LPP: variants seen among roughly 807,000 people sequenced by gnomAD.
LPP encodes LIM domain containing preferred translocation partner in lipoma, also known as lipoma-preferred partner.
A neutral mutation model predicts 60.4 loss-of-function variants in LPP; 38 were observed. That is an observed-to-expected ratio of 0.63 (90% CI 0.49 to 0.83). The LOEUF (loss-of-function observed/expected upper bound fraction) is 0.83. LPP is among the 40% of genes least tolerant of loss of function. The pLI, the probability that LPP is intolerant of heterozygous loss-of-function variation, is 0.00. For missense variants in LPP, 902 were observed against 783.6 expected (o/e 1.15, Z -1.80); for synonymous variants, 328 against 290.8 (o/e 1.13, Z -1.30).
chr3:188,321,064 T>C (rs1405905686), intron 2 of LPP, among the ~76,000 whole-genome samples: 1 of 152,226 alleles, frequency 6.6e-6, no homozygotes, highest in Non-Finnish European at 1.5e-5. Context: ...TGTCCTGCAG[T>C]CTCTTGGTCT....
chr3:188,466,834 T>TGTAG lies in LPP; in HGVS notation c.194-17758_194-17757insGTAG, dbSNP rs1800562981. On this transcript the variant is annotated intron_variant, in intron 4 of 11. Coordinates refer to ENST00000617246, the MANE Select transcript of LPP (RefSeq NM_001375462.1). ...ATATATATATATATATATATATATATATATATATGCTGTGTAAACTCCACC... is the reference window on the plus strand; with the variant it reads ...ATATATATATATATATATATATATATGTAGATATATATGCTGTGTAAACTCCACC... 1.7e-4 allele frequency among the ~76,000 whole-genome samples: 21 copies of TGTAG among 126,146 alleles called. No individual in the cohort carries two copies. The South Asian group carries it at 2.7e-3, about 16-fold the overall frequency. The allele number at this position is 126,146 out of a possible 152,430, so 82.8% of individuals were successfully genotyped here.
chr3:188,336,195 C>T (rs1442683586), intron 2 of LPP, among the ~76,000 whole-genome samples: 3 of 152,092 alleles, frequency 2.0e-5, no homozygotes, highest in African/African-American at 7.2e-5. Flanking sequence ...CAAGCAAGTG[C>T]AGTGGTGCTG....
intron 1 of LPP, among the ~76,000 whole-genome samples, chr3:188,166,906 C>T (rs1442171696): frequency 6.6e-6 from 1 of 151,972 alleles, no homozygotes; most frequent in South Asian, 2.1e-4. Flanking sequence ...AAAAAACCAC[C>T]ACCACCTAAT....
chr3:188,708,209 C>G, intron 7 of LPP, 58 bp from the exon 8 acceptor site: 1 of 1,594,338 alleles, frequency 6.3e-7, no homozygotes, highest in Non-Finnish European at 8.6e-7. Flanking sequence ...TTTAGGCTGA[C>G]TGCCTTGGTT....
At chr3:188,476,569 CAT>C (rs1470617072) in intron 4 of LPP, among the ~76,000 whole-genome samples, 2 of 152,164 alleles carry the variant, frequency 1.3e-5, no homozygotes, top group African/African-American at 2.4e-5. Flanking sequence ...GTAGCAGTAG[CAT>C]ATGAGAATGC....
chr3:188,808,431 C>CT (rs1749839094), intron 9 of LPP, among the ~76,000 whole-genome samples: 1 of 152,108 alleles, frequency 6.6e-6, no homozygotes, highest in African/African-American at 2.4e-5. Flanking sequence ...GATCCTGCCT[C>CT]TCCCCGGGAC....
At chr3:188,607,921 T>C (rs1842843231) in intron 6 of LPP, among the ~76,000 whole-genome samples, 1 of 152,196 alleles carries the variant, frequency 6.6e-6, no homozygotes. Context: ...TAAATGTCTG[T>C]AGCAATCCTT....
chr3:188,271,797 G>T (rs1560183831), intron 2 of LPP, among the ~76,000 whole-genome samples: 1 of 152,204 alleles, frequency 6.6e-6, no homozygotes, highest in Non-Finnish European at 1.5e-5. Context: ...GAAGGAGGAA[G>T]TTTCCATTGG....
At chr3:188,319,317 A>C (rs922820287) in intron 2 of LPP, among the ~76,000 whole-genome samples, 1 of 152,218 alleles carries the variant, frequency 6.6e-6, no homozygotes, top group African/African-American at 2.4e-5. Flanking sequence ...AATACAGAAT[A>C]AAAATTTTCA....
At chr3:188,343,487 T>A (rs947244461) in intron 3 of LPP, among the ~76,000 whole-genome samples, 2 of 152,344 alleles carry the variant, frequency 1.3e-5, no homozygotes, top group South Asian at 4.1e-4. Flanking sequence ...TTGACAGCTC[T>A]GTGAGGCAGA....
intron 1 of LPP, among the ~76,000 whole-genome samples, chr3:188,224,526 T>G (rs1716999734): frequency 6.6e-6 from 1 of 152,196 alleles, no homozygotes; most frequent in Non-Finnish European, 1.5e-5. Context: ...ATTCTAGCAT[T>G]GCCATAAAGA....
chr3:188,664,603 GTGTGTGTGTGTGTC>G (rs1855354054), intron 7 of LPP, among the ~76,000 whole-genome samples: 1 of 151,354 alleles, frequency 6.6e-6, no homozygotes, highest in Non-Finnish European at 1.5e-5. Context: ...ATATGTGTAT[GTGTGTGTGTGTGTC>G]TGTGTGTGTG....
At chr3:188,613,545 G>C (rs575698836) in intron 7 of LPP, among the ~76,000 whole-genome samples, 3 of 152,090 alleles carry the variant, frequency 2.0e-5, no homozygotes, top group Non-Finnish European at 1.5e-5. Context: ...GCATTCCAGG[G>C]AAGTTGGAGA....
chr3:188,881,995 T>C lies in LPP; in HGVS notation c.*7516T>C, dbSNP rs1770086170. The C allele has an allele frequency of 9.3e-6, 2 of 214,094 alleles. No individual in the cohort carries two copies. The highest frequency in any genetic ancestry group is 4.5e-5 in the African/African-American group (2 of 44,316). The allele number at this position is 214,094 out of a possible 1,614,324, so 13.3% of individuals were successfully genotyped here. A position where few individuals can be genotyped will look rare whatever the true frequency, so the allele number is the denominator to read the frequency against. On this transcript the variant is annotated 3_prime_UTR_variant, in exon 12 of 12. Transcript: ENST00000617246. ...TAGGAGTCCATATTTTTCTTTTCTT[T>C]TTGTTCTCCCAACATCCTTATCTCT...
At chr3:188,380,887 A>G (rs1776703002) in intron 3 of LPP, among the ~76,000 whole-genome samples, 1 of 152,212 alleles carries the variant, frequency 6.6e-6, no homozygotes, top group Non-Finnish European at 1.5e-5. Flanking sequence ...TTTACAGCCC[A>G]TTCTCATGGA....
chr3:188,657,509 T>C (rs1853563051), intron 7 of LPP, among the ~76,000 whole-genome samples: 1 of 151,970 alleles, frequency 6.6e-6, no homozygotes. Flanking sequence ...TTTGATATGC[T>C]CTTTTTATTT....
intron 4 of LPP, among the ~76,000 whole-genome samples, chr3:188,451,971 G>C (rs143553543): frequency 1.7e-4 from 26 of 152,194 alleles, no homozygotes; most frequent in African/African-American, 6.3e-4. Flanking sequence ...AGATGAGGCC[G>C]AAAAAATAGG....
intron 8 of LPP, among the ~76,000 whole-genome samples, chr3:188,731,313 T>C (rs963488625): frequency 6.6e-6 from 1 of 152,184 alleles, no homozygotes; most frequent in African/African-American, 2.4e-5. Context: ...ACCTTTTTTT[T>C]TGGTGCTGGT....
chr3:188,628,819 C>G (rs915445428), intron 7 of LPP, among the ~76,000 whole-genome samples: 6 of 152,100 alleles, frequency 3.9e-5, no homozygotes, highest in Non-Finnish European at 8.8e-5. Context: ...AAACTTCAGG[C>G]CAATATCCTT....
Sources: allele counts gnomAD v4.1 joint callset (sites outside exome capture counted in the v4.1 genomes callset), GRCh38; gene constraint gnomAD v4.1.1; transcripts MANE v1.5; gene names NCBI Gene and HGNC (gene_info 2026-07-23, HGNC 2026-07-21).